Variants in SEMA6D observed in about 807,000 individuals in gnomAD.
SEMA6D encodes semaphorin-6D.
A neutral mutation model predicts 106.6 loss-of-function variants in SEMA6D; 35 were observed. The observed-to-expected ratio is 0.33, with a 90% CI of 0.25 to 0.44. SEMA6D has a LOEUF of 0.44. SEMA6D is among the 20% of genes least tolerant of loss of function. SEMA6D has a pLI of 1.00. For synonymous variants in SEMA6D, 499 were observed against 487.7 expected (o/e 1.02, Z -0.31); for missense variants, 1,185 against 1,345.9 (o/e 0.88, Z 1.87).
chr15:47,648,821 G>GT (rs902498893), intron 4 of SEMA6D, among the ~76,000 whole-genome samples: 5 of 152,134 alleles, frequency 3.3e-5, no homozygotes, highest in Admixed American at 3.3e-4. Context: ...GTTCGGTGAT[G>GT]TTTTTGTGAC....
intron 3 of SEMA6D, among the ~76,000 whole-genome samples, chr15:47,529,076 TTTATG>T (rs1205056647): frequency 2.0e-5 from 3 of 152,210 alleles, no homozygotes; most frequent in African/African-American, 7.2e-5. Flanking sequence ...AACACACATG[TTTATG>T]TTATATTATT....
At chr15:47,747,405 C>T (rs1392380567) in intron 1 of SEMA6D, among the ~76,000 whole-genome samples, 2 of 152,110 alleles carry the variant, frequency 1.3e-5, no homozygotes, top group Non-Finnish European at 2.9e-5. Flanking sequence ...CAGTTCCTTT[C>T]TGAATTATTA....
At chr15:47,499,857 C>G (rs984916403) in intron 3 of SEMA6D, among the ~76,000 whole-genome samples, 2 of 152,022 alleles carry the variant, frequency 1.3e-5, no homozygotes, top group Non-Finnish European at 2.9e-5. Flanking sequence ...CTGATTGTCT[C>G]AGTGGGTCAA....
chr15:47,533,853 G>A (rs181498108), intron 3 of SEMA6D, among the ~76,000 whole-genome samples: 298 of 152,278 alleles, frequency 2.0e-3, no homozygotes, highest in African/African-American at 6.9e-3. Flanking sequence ...TGCAACTCAC[G>A]CTGAATGTGC....
chr15:47,255,643 CCT>C (rs1327733911), intron 1 of SEMA6D, among the ~76,000 whole-genome samples: 7 of 151,734 alleles, frequency 4.6e-5, no homozygotes, highest in Admixed American at 2.0e-4. Flanking sequence ...GTCTTTTTAT[CCT>C]CTCAGTGTGA....
At chr15:47,667,697 A>G (rs900769582) in intron 4 of SEMA6D, among the ~76,000 whole-genome samples, 2 of 152,168 alleles carry the variant, frequency 1.3e-5, no homozygotes, top group Admixed American at 1.3e-4. Flanking sequence ...CTCACGTGGC[A>G]GGAGGGCTTA....
chr15:47,422,818 T>C (rs191384449), intron 2 of SEMA6D, among the ~76,000 whole-genome samples: 1 of 152,230 alleles, frequency 6.6e-6, no homozygotes, highest in East Asian at 1.9e-4. Flanking sequence ...ACATGAGCAA[T>C]TAACATCCTA....
At chr15:47,694,281 GA>G (rs2078653790) in intron 4 of SEMA6D, among the ~76,000 whole-genome samples, 2 of 152,048 alleles carry the variant, frequency 1.3e-5, no homozygotes, top group South Asian at 4.1e-4. Context: ...AAGGTCAAGA[GA>G]ATCTGAAAAA....
At chr15:47,330,564 A>G (rs1567003077) in intron 1 of SEMA6D, among the ~76,000 whole-genome samples, 1 of 152,154 alleles carries the variant, frequency 6.6e-6, no homozygotes, top group Non-Finnish European at 1.5e-5. Flanking sequence ...CATGGTGTTA[A>G]TATCCCAATC....
At chr15:47,438,020 G>A (rs1324335668) in intron 2 of SEMA6D, among the ~76,000 whole-genome samples, 2 of 151,992 alleles carry the variant, frequency 1.3e-5, no homozygotes, top group Non-Finnish European at 2.9e-5. Flanking sequence ...TACCAGATTT[G>A]GTTGTGTGAC....
chr15:47,730,239 G>T (rs62001576), intron 1 of SEMA6D: 7 of 1,535,350 alleles, frequency 4.6e-6, no homozygotes, highest in Non-Finnish European at 5.3e-6. Context: ...CCCCAGTGAC[G>T]GCGGATCTCA....
chr15:47,545,902 C>G (rs1486777930), intron 3 of SEMA6D, among the ~76,000 whole-genome samples: 1 of 152,078 alleles, frequency 6.6e-6, no homozygotes, highest in East Asian at 1.9e-4. Flanking sequence ...AGTGTGGCAA[C>G]AGTCTAGGCT....
At chr15:47,645,331 A>G (rs140904093) in intron 4 of SEMA6D, among the ~76,000 whole-genome samples, 1 of 152,248 alleles carries the variant, frequency 6.6e-6, no homozygotes, top group African/African-American at 2.4e-5. Flanking sequence ...AACGTTTAGG[A>G]AACAATAAAA....
At chr15:47,685,584 T>TAGGG (rs928419445) in intron 4 of SEMA6D, among the ~76,000 whole-genome samples, 21 of 152,284 alleles carry the variant, frequency 1.4e-4, no homozygotes, top group African/African-American at 5.1e-4. Context: ...CATTCTGGGT[T>TAGGG]AGGGCCACAT....
At chr15:47,386,026 T>C (rs1359939046) in intron 1 of SEMA6D, among the ~76,000 whole-genome samples, 1 of 152,234 alleles carries the variant, frequency 6.6e-6, no homozygotes, top group African/African-American at 2.4e-5. Context: ...TGATAATGCA[T>C]ACCTCACAGA....
At chr15:47,492,921 G>T (rs1366102509) in intron 3 of SEMA6D, among the ~76,000 whole-genome samples, 1 of 152,030 alleles carries the variant, frequency 6.6e-6, no homozygotes, top group Non-Finnish European at 1.5e-5. Flanking sequence ...AAGAGTCTTT[G>T]GGGTATTAAA....
intron 4 of SEMA6D, among the ~76,000 whole-genome samples, chr15:47,691,380 G>C (rs2078583206): frequency 6.6e-6 from 1 of 152,110 alleles, no homozygotes; most frequent in Non-Finnish European, 1.5e-5. Flanking sequence ...GTGGTAGGCA[G>C]TATAAATACT....
At chr15:47,446,244 G>A (rs889816851) in intron 2 of SEMA6D, among the ~76,000 whole-genome samples, 19 of 152,060 alleles carry the variant, frequency 1.2e-4, no homozygotes, top group Non-Finnish European at 2.2e-4. Flanking sequence ...AAGAGATGAC[G>A]TCTTCTTAGT....
chr15:47,325,152 G>C (rs1354910657), intron 1 of SEMA6D, among the ~76,000 whole-genome samples: 1 of 138,558 alleles, frequency 7.2e-6, no homozygotes, highest in Non-Finnish European at 1.5e-5. Flanking sequence ...AGAGCACAGG[G>C]TGAAGCGTTT....
Sources: gnomAD v4.1 joint callset for allele counts (sites outside exome capture counted in the v4.1 genomes callset) on GRCh38, gnomAD v4.1.1 for gene constraint, MANE v1.5 for transcripts, NCBI Gene and HGNC (gene_info 2026-07-23, HGNC 2026-07-21) for gene names.